PDCD6: variants seen among roughly 807,000 people sequenced by gnomAD.
PDCD6 encodes programmed cell death protein 6.
In PDCD6, 12 loss-of-function variants were observed where a neutral mutation model predicts 28.3. The ratio of observed to expected loss-of-function variants is 0.42; its 90% CI spans 0.27 to 0.69. PDCD6 has a LOEUF of 0.69. Ranked by LOEUF, PDCD6 falls within the 30% of genes least tolerant of loss-of-function variation. PDCD6 has a pLI of 0.22. For missense variants in PDCD6, 226 were observed against 269.9 expected, an observed-to-expected ratio of 0.84 and a Z score of 1.14; for synonymous variants, 92 against 108.0, an observed-to-expected ratio of 0.85 and a Z score of 0.92.
chr5:294,781 G>A (rs529888842), intron 2 of PDCD6, among the ~76,000 whole-genome samples: 35 of 152,330 alleles, frequency 2.3e-4, no homozygotes, highest in African/African-American at 7.5e-4. Context: ...ATAACTGGAA[G>A]AAAACAAAAT....
At chr5:312,874 C>T (rs140348302) in intron 5 of PDCD6, among the ~76,000 whole-genome samples, 1,597 of 109,136 alleles carry the variant, frequency 0.015, 18 homozygotes, top group Non-Finnish European at 0.014. Flanking sequence ...TCTGAATTGC[C>T]GTAGGGCTCA....
chr5:279,146 G>C (rs1463961541), intron 2 of PDCD6, among the ~76,000 whole-genome samples: 8 of 152,282 alleles, frequency 5.3e-5, no homozygotes, highest in Admixed American at 4.6e-4. Flanking sequence ...TGGGGACACA[G>C]AGACTGACAT....
chr5:303,681 TACTTGC>T (rs1740279600), intron 2 of PDCD6, among the ~76,000 whole-genome samples: 1 of 151,684 alleles, frequency 6.6e-6, no homozygotes, highest in Non-Finnish European at 1.5e-5. Flanking sequence ...AGGGGTCTGG[TACTTGC>T]ACCTTTCAGT....
Position 288,911 on chromosome 5 carries a change from A to G in PDCD6, c.164-15266A>G, listed in dbSNP as rs188397963. 33 of 1,581,204 alleles carry G rather than the reference A, an allele frequency of 2.1e-5. No individual in the cohort carries two copies. In the African/African-American group the frequency reaches 4.3e-4, roughly 21 times the overall value. On this transcript the variant is annotated intron_variant, in intron 2 of 5. Transcript: ENST00000264933. ...TGGATGATTCTGAAAGAATCTCTCC[A>G]GTTTTACTGGAATTAGATCCTACTA... is the stretch of plus-strand genomic sequence containing the variant.
chr5:291,651 C>T (rs551669423), intron 2 of PDCD6, among the ~76,000 whole-genome samples: 1 of 150,906 alleles, frequency 6.6e-6, no homozygotes, highest in Non-Finnish European at 1.5e-5. Context: ...CCCTGAGACC[C>T]ACCCACACTG....
intron 2 of PDCD6, among the ~76,000 whole-genome samples, chr5:296,134 A>G (rs1739594799): frequency 6.6e-6 from 1 of 152,164 alleles, no homozygotes; most frequent in Admixed American, 6.5e-5. Flanking sequence ...CACTTTCTCA[A>G]GTTTTAAGAC....
At chr5:299,840 C>T (rs534603039) in intron 2 of PDCD6, among the ~76,000 whole-genome samples, 8 of 150,854 alleles carry the variant, frequency 5.3e-5, no homozygotes, top group African/African-American at 5.0e-5. Flanking sequence ...CCAGCCACCG[C>T]GCCCAGCTGG....
intron 2 of PDCD6, among the ~76,000 whole-genome samples, chr5:277,128 T>C (rs1347384016): frequency 2.6e-5 from 4 of 152,110 alleles, no homozygotes; most frequent in African/African-American, 9.7e-5. Context: ...TTGAAGGTTT[T>C]TTTATGTGTG....
At position 314,632 on chromosome 5, in the gene PDCD6, C is replaced by A; in HGVS notation, c.*117C>A. On this transcript the variant is annotated 3_prime_UTR_variant, in exon 6 of 6. Coordinates refer to ENST00000264933, the MANE Select transcript of PDCD6 (RefSeq NM_013232.4). ...ATGCTGTTCTTCCTTTAGATTTTGT[C>A]ACGTGGGGACCCAGCTGTACATATG... 1 of 757,628 alleles carries A rather than the reference C, an allele frequency of 1.3e-6. No individual in the cohort carries two copies. Among genetic ancestry groups the A allele is most frequent in the South Asian group, 1.4e-5 (1 of 69,264 alleles). 46.9% of individuals were successfully genotyped at this position (757,628 alleles called of 1,614,324 possible). A position where few individuals can be genotyped will look rare whatever the true frequency, so the allele number is the denominator to read the frequency against.
At chr5:278,339 T>G (rs1738336653) in intron 2 of PDCD6, among the ~76,000 whole-genome samples, 1 of 151,876 alleles carries the variant, frequency 6.6e-6, no homozygotes, top group Non-Finnish European at 1.5e-5. Flanking sequence ...CTGCCCACAT[T>G]AAGCTCCTGT....
Position 314,608 on chromosome 5 carries a change from T to A in PDCD6, c.*93T>A. ...GGAATGGAGCACAGGTGCAGTTAGA[T>A]GCTGTTCTTCCTTTAGATTTTGTCA... is the stretch of plus-strand genomic sequence containing the variant. On this transcript the variant is annotated 3_prime_UTR_variant, in exon 6 of 6. Transcript: ENST00000264933. The A allele has an allele frequency of 1.1e-6, 1 of 886,676 alleles. No individual in the cohort carries two copies. The allele number at this position is 886,676 out of a possible 1,614,324, so 54.9% of individuals were successfully genotyped here. A position where few individuals can be genotyped will look rare whatever the true frequency, so the allele number is the denominator to read the frequency against.
intron 5 of PDCD6, among the ~76,000 whole-genome samples, chr5:313,476 T>C (rs952070540): frequency 1.3e-5 from 2 of 152,088 alleles, no homozygotes; most frequent in South Asian, 4.1e-4. Context: ...TGTTTTTTTT[T>C]CTTTGAGATG....
rs1017619892 is a variant in PDCD6 at position 314,610 on chromosome 5, C to G, written c.*95C>G. 5 of 871,986 alleles carry G rather than the reference C, an allele frequency of 5.7e-6. No individual in the cohort carries two copies. The highest frequency in any genetic ancestry group is 7.7e-6 in the Non-Finnish European group (4 of 522,510). 54.0% of individuals were successfully genotyped at this position (871,986 alleles called of 1,614,324 possible). A position where few individuals can be genotyped will look rare whatever the true frequency, so the allele number is the denominator to read the frequency against. ...AATGGAGCACAGGTGCAGTTAGATG[C>G]TGTTCTTCCTTTAGATTTTGTCACG... On this transcript the variant is annotated 3_prime_UTR_variant, in exon 6 of 6. Coordinates refer to ENST00000264933, the MANE Select transcript of PDCD6 (RefSeq NM_013232.4).
Position 272,819 on chromosome 5 carries a change from G to C in PDCD6, c.163+47G>C, listed in dbSNP as rs765332336. 1.3e-5 allele frequency: 20 copies of C among 1,555,480 alleles called. 2 individuals are homozygous for C. The Admixed American group carries it at 2.3e-4, about 18-fold the overall frequency. On this transcript the variant is annotated intron_variant, in intron 2 of 5. Transcript: ENST00000264933. ...GGGTCTCCGGACCAAGAAGCCGCGA[G>C]CCTGCCCTGTTCACAGTGGATAACT...
chr5:271,993 C>T (rs1452160185), intron 1 of PDCD6, among the ~76,000 whole-genome samples, 172 bp downstream of exon 1: 1 of 151,532 alleles, frequency 6.6e-6, no homozygotes, highest in Admixed American at 6.6e-5. Context: ...CCGACCCCTG[C>T]CCCAGCCGAC....
At position 305,397 on chromosome 5, in the gene PDCD6, G is replaced by A. The variant is rs1425784266; in HGVS notation, c.208+1176G>A. 1 of 152,320 alleles carries A rather than the reference G, an allele frequency of 6.6e-6. No homozygotes were observed. Among genetic ancestry groups the A allele is most frequent in the Admixed American group, 6.5e-5 (1 of 15,280 alleles). 9.4% of individuals were successfully genotyped at this position (152,320 alleles called of 1,614,324 possible). A position where few individuals can be genotyped will look rare whatever the true frequency, so the allele number is the denominator to read the frequency against. On this transcript the variant is annotated intron_variant, in intron 3 of 5. Transcript: ENST00000264933. The surrounding 1 kb of genome is among the most constrained non-coding windows in gnomAD (Gnocchi z 4.0). The stretch of plus-strand genomic sequence containing the variant: ...TCTGAGTCCTAGTGTGGGTGTAGCT[G>A]GGGGCTTTTCCAGATGACTGTGCCC...
At chr5:300,310 C>T (rs1166706516) in intron 2 of PDCD6, among the ~76,000 whole-genome samples, 3 of 152,216 alleles carry the variant, frequency 2.0e-5, no homozygotes, top group South Asian at 2.1e-4. Context: ...CTCCCTGGTC[C>T]GCACCACGGC....
intron 2 of PDCD6, among the ~76,000 whole-genome samples, chr5:287,973 A>C (rs1231329199): frequency 6.6e-6 from 1 of 152,234 alleles, no homozygotes. Flanking sequence ...ATAGTAAGCT[A>C]ACATTTGAAC....
At chr5:278,880 GGGGACATGGGAGGGGCTA>G (rs1282735055) in intron 2 of PDCD6, among the ~76,000 whole-genome samples, 3 of 150,810 alleles carry the variant, frequency 2.0e-5, no homozygotes, top group African/African-American at 7.3e-5. Flanking sequence ...GGGAGGGGCT[GGGGACATGGGAGGGGCTA>G]GGGATGCAAG....
Sources: allele counts gnomAD v4.1 joint callset (sites outside exome capture counted in the v4.1 genomes callset), GRCh38; gene constraint gnomAD v4.1.1; non-coding constraint Gnocchi (gnomAD v3.1); transcripts MANE v1.5; gene names NCBI Gene and HGNC (gene_info 2026-07-23, HGNC 2026-07-21).